Variants in PCDH7 observed in about 807,000 individuals in gnomAD.
PCDH7 encodes protocadherin 7.
In PCDH7, 17 loss-of-function variants were observed where a neutral mutation model predicts 58.9. The ratio of observed to expected loss-of-function variants is 0.29; its 90% confidence interval spans 0.20 to 0.43. The LOEUF (loss-of-function observed/expected upper bound fraction) is 0.43. PCDH7 is among the 20% of genes least tolerant of loss of function. PCDH7 has a pLI of 1.00. For missense variants in PCDH7, 1,274 were observed against 1,441.0 expected (o/e 0.88, Z 1.88); for synonymous variants, 664 against 616.4 (o/e 1.08, Z -1.14).
chr4:31,139,981 C>T (rs1446707978), intron 3 of PCDH7, among the ~76,000 whole-genome samples: 1 of 152,036 alleles, frequency 6.6e-6, no homozygotes, highest in Non-Finnish European at 1.5e-5. Flanking sequence ...AGACAAGCTG[C>T]CTTTCGTTAA....
chr4:30,948,502 C>A (rs1195875975), intron 2 of PCDH7, among the ~76,000 whole-genome samples: 2 of 151,940 alleles, frequency 1.3e-5, no homozygotes, highest in African/African-American at 4.8e-5. Flanking sequence ...TACTGAAATG[C>A]AGAGGTTTTA....
chr4:30,775,351 A>G (rs1317992415), intron 1 of PCDH7, among the ~76,000 whole-genome samples: 3 of 152,314 alleles, frequency 2.0e-5, no homozygotes, highest in Non-Finnish European at 4.4e-5. Flanking sequence ...AGTTCCATCT[A>G]TGATAAATAT....
chr4:30,965,461 T>C (rs1748913593), intron 3 of PCDH7, among the ~76,000 whole-genome samples: 1 of 151,948 alleles, frequency 6.6e-6, no homozygotes, highest in Non-Finnish European at 1.5e-5. Flanking sequence ...CAATTTTATG[T>C]TAAATTTGTT....
At chr4:30,941,123 G>T (rs1348856863) in intron 2 of PCDH7, among the ~76,000 whole-genome samples, 1 of 151,846 alleles carries the variant, frequency 6.6e-6, no homozygotes, top group Non-Finnish European at 1.5e-5. Context: ...AAAAATTTTA[G>T]TAAGTGTCTG....
chr4:30,945,516 A>G (rs935008175), intron 2 of PCDH7, among the ~76,000 whole-genome samples: 5 of 152,260 alleles, frequency 3.3e-5, no homozygotes, highest in Admixed American at 6.5e-5. Context: ...AGAATTCATA[A>G]TTATTCTTTT....
intron 2 of PCDH7, chr4:30,935,169 A>G (rs930061075): frequency 3.2e-5 from 5 of 158,354 alleles, no homozygotes; most frequent in African/African-American, 1.2e-4. Context: ...TTGAATTCTG[A>G]AGTATTACTT....
chr4:31,108,646 T>C lies in PCDH7; in HGVS notation c.*8-33827T>C, dbSNP rs114828813. The stretch of plus-strand genomic sequence containing the variant: ...CTATTTTTATGGGGGAGAAAATTAA[T>C]TGTAAGTGCAAAATGTTTAGAAGAT... On this transcript the variant is annotated intron_variant, in intron 3 of 3. Coordinates refer to the PCDH7 transcript ENST00000509759. Among the ~76,000 whole-genome samples, 1,087 of 152,294 alleles carry C rather than the reference T, an allele frequency of 7.1e-3. 10 individuals carry two copies. Among genetic ancestry groups the C allele is most frequent in the African/African-American group, 0.025 (1,030 of 41,576 alleles).
At chr4:30,905,731 G>A (rs1263810540) in intron 1 of PCDH7, among the ~76,000 whole-genome samples, 1 of 152,130 alleles carries the variant, frequency 6.6e-6, no homozygotes, top group Non-Finnish European at 1.5e-5. Context: ...CTGTCTTTCT[G>A]TGGGTGTAAT....
chr4:30,965,704 C>T (rs1430395118), intron 3 of PCDH7, among the ~76,000 whole-genome samples: 1 of 152,046 alleles, frequency 6.6e-6, no homozygotes, highest in Admixed American at 6.5e-5. Flanking sequence ...GAGTACAAAA[C>T]TTGTCAACTG....
At chr4:30,955,961 G>T (rs1747817780) in intron 3 of PCDH7, among the ~76,000 whole-genome samples, 1 of 150,926 alleles carries the variant, frequency 6.6e-6, no homozygotes, top group Non-Finnish European at 1.5e-5. Flanking sequence ...GAGGCGGGTG[G>T]ATCAAGAGGT....
chr4:31,035,233 T>A (rs1289946389), intron 3 of PCDH7, among the ~76,000 whole-genome samples: 9 of 151,500 alleles, frequency 5.9e-5, no homozygotes, highest in Non-Finnish European at 1.5e-5. Context: ...TCTATGTTTT[T>A]TTTCCTTTTT....
chr4:30,789,163 G>A (rs1577810714), intron 1 of PCDH7, among the ~76,000 whole-genome samples: 2 of 152,096 alleles, frequency 1.3e-5, no homozygotes, highest in African/African-American at 2.4e-5. Flanking sequence ...GAAGCAAGCA[G>A]TACCCAAGTA....
chr4:31,037,785 C>T (rs1427649489), intron 3 of PCDH7, among the ~76,000 whole-genome samples: 2 of 152,120 alleles, frequency 1.3e-5, no homozygotes, highest in Non-Finnish European at 2.9e-5. Context: ...TGCTGTGAGG[C>T]CAGCATTTGT....
chr4:31,111,726 G>GGC (rs1254717849), intron 3 of PCDH7, among the ~76,000 whole-genome samples: 1 of 152,166 alleles, frequency 6.6e-6, no homozygotes, highest in Non-Finnish European at 1.5e-5. Flanking sequence ...TAGAAGAAAA[G>GGC]GCACTTCTCA....
chr4:30,983,731 A>G (rs1227564162), intron 3 of PCDH7, among the ~76,000 whole-genome samples: 2 of 152,358 alleles, frequency 1.3e-5, no homozygotes, highest in African/African-American at 4.8e-5. Flanking sequence ...TGACATTTTG[A>G]AATATTTTAA....
chr4:30,860,842 A>C (rs1007891739), intron 1 of PCDH7, among the ~76,000 whole-genome samples: 2 of 152,162 alleles, frequency 1.3e-5, no homozygotes, highest in African/African-American at 4.8e-5. Context: ...AGGCTCAAGG[A>C]GGAAGGAAAA....
intron 3 of PCDH7, among the ~76,000 whole-genome samples, chr4:31,079,351 T>TATATATAG (rs1560628179): frequency 1.2e-5 from 1 of 83,504 alleles, no homozygotes. Context: ...TATATATATA[T>TATATATAG]ATATATATAT....
chr4:30,926,566 T>A (rs1743900516), intron 2 of PCDH7, among the ~76,000 whole-genome samples: 1 of 152,242 alleles, frequency 6.6e-6, no homozygotes, highest in East Asian at 1.9e-4. Flanking sequence ...TTAGCATTTT[T>A]AAATTACCAG....
At chr4:30,815,566 A>G (rs866340555) in intron 1 of PCDH7, among the ~76,000 whole-genome samples, 5 of 152,124 alleles carry the variant, frequency 3.3e-5, no homozygotes, top group Non-Finnish European at 4.4e-5. Context: ...GTGGCCTGCC[A>G]GCTTTGGGGA....
Sources: allele counts gnomAD v4.1 joint callset (sites outside exome capture counted in the v4.1 genomes callset), GRCh38; gene constraint gnomAD v4.1.1; transcripts MANE v1.5; gene names NCBI Gene and HGNC (gene_info 2026-07-23, HGNC 2026-07-21).